The following NBAS variants were observed in gnomAD, a reference collection of about 807,000 sequenced individuals.
NBAS encodes the protein NBAS subunit of NRZ tethering complex, also known as NAG/BC035112 fusion.
In NBAS, 219 loss-of-function variants were observed where a neutral mutation model predicts 302.5. The ratio of observed to expected loss-of-function variants is 0.72; its 90% CI spans 0.65 to 0.81. The LOEUF (loss-of-function observed/expected upper bound fraction) is 0.81. NBAS is among the 30% of genes least tolerant of loss of function. The probability of loss-of-function intolerance (pLI) is 0.00; values close to 1 mark genes in which losing one functional copy is unlikely to be tolerated. For synonymous variants in NBAS, 1,118 were observed against 1,021.6 expected (o/e 1.09, Z -1.80); for missense variants, 2,932 against 2,841.6 (o/e 1.03, Z -0.72).
Position 15,556,821 on chromosome 2 carries a change from T to C in NBAS, c.173-2A>G, listed in dbSNP as rs138546465. ...ATTGGCGTAAAAATAATAAACGATC[T>C]GTAATCAAAAGAAATGGCAAAGCCA... is the stretch of plus-strand genomic sequence containing the variant. On this transcript the variant is annotated splice_acceptor_variant, in intron 2 of 51. Coordinates refer to ENST00000281513, the MANE Select transcript of NBAS (RefSeq NM_015909.4). LOFTEE classifies it high-confidence loss of function. The C allele has an allele frequency of 5.9e-5, 95 of 1,610,242 alleles. No homozygotes were observed. The highest frequency in any genetic ancestry group is 7.7e-5 in the Non-Finnish European group (91 of 1,176,910).
chr2:15,366,551 T>G (rs1172655533), intron 32 of NBAS, 29 bp downstream of exon 32: 13 of 1,562,134 alleles, frequency 8.3e-6, no homozygotes, highest in African/African-American at 1.4e-5. Flanking sequence ...AGAAAGCTTA[T>G]TCTGCAGTTT....
At chr2:14,926,586 G>A in the NBAS span, among the ~76,000 whole-genome samples, 1 of 152,072 alleles carries the variant, frequency 6.6e-6, no homozygotes, top group Non-Finnish European at 1.5e-5. Context: ...CATAAATTAT[G>A]CGTAACATAA....
intron 11 of NBAS, among the ~76,000 whole-genome samples, chr2:15,499,418 G>C (rs138708369): frequency 9.6e-4 from 146 of 152,334 alleles, no homozygotes; most frequent in African/African-American, 3.4e-3. Context: ...GGAATATTAT[G>C]CAGCCCTAAA....
At chr2:15,036,224 C>T in the NBAS span, among the ~76,000 whole-genome samples, 505 of 152,274 alleles carry the variant, frequency 3.3e-3, 6 homozygotes, top group African/African-American at 0.01. Flanking sequence ...GACCTTGAAT[C>T]TTATTCATGC....
At chr2:15,267,489 G>T (rs921717510) in intron 44 of NBAS, among the ~76,000 whole-genome samples, 2 of 152,098 alleles carry the variant, frequency 1.3e-5, no homozygotes, top group Non-Finnish European at 2.9e-5. Context: ...TTATAGATTA[G>T]CAACAACAAT....
At chr2:15,111,247 A>C in the NBAS span, among the ~76,000 whole-genome samples, 2 of 152,142 alleles carry the variant, frequency 1.3e-5, no homozygotes, top group Non-Finnish European at 2.9e-5. Flanking sequence ...GTGTCTTTTA[A>C]TCTCTCCAAA....
the NBAS span, among the ~76,000 whole-genome samples, chr2:14,925,717 A>G: frequency 6.6e-6 from 1 of 152,142 alleles, no homozygotes; most frequent in Non-Finnish European, 1.5e-5. Flanking sequence ...TCGGTGATTC[A>G]TTCTTGCTAC....
At chr2:15,017,470 C>A in the NBAS span, among the ~76,000 whole-genome samples, 1 of 150,944 alleles carries the variant, frequency 6.6e-6, no homozygotes, top group Non-Finnish European at 1.5e-5. Context: ...TCAACAACAA[C>A]AAAAAATTTC....
the NBAS span, among the ~76,000 whole-genome samples, chr2:15,139,989 AGGTT>A: frequency 2.0e-5 from 3 of 152,136 alleles, no homozygotes; most frequent in African/African-American, 7.2e-5. Flanking sequence ...AAATGTGGGT[AGGTT>A]GGTGACGTGG....
the NBAS span, among the ~76,000 whole-genome samples, chr2:14,849,026 C>T: frequency 2.6e-5 from 4 of 151,356 alleles, no homozygotes; most frequent in Non-Finnish European, 5.9e-5. Flanking sequence ...CGCCTCTCCT[C>T]TTCCAAAGGA....
the NBAS span, among the ~76,000 whole-genome samples, chr2:14,924,569 A>T: frequency 1.3e-5 from 2 of 152,254 alleles, no homozygotes; most frequent in African/African-American, 4.8e-5. Flanking sequence ...AGATACTCCC[A>T]TCAGTGTCCT....
the NBAS span, among the ~76,000 whole-genome samples, chr2:14,849,211 C>T: frequency 6.7e-6 from 1 of 149,198 alleles, no homozygotes; most frequent in African/African-American, 2.5e-5. Context: ...CTAGAATAAC[C>T]AATACAGAGA....
Position 15,527,531 on chromosome 2 carries a change from G to A in NBAS, c.746+7012C>T, listed in dbSNP as rs559956279. Among the ~76,000 whole-genome samples the A allele has an allele frequency of 1.3e-5, 2 of 152,304 alleles. 1 individual carries two copies. Among genetic ancestry groups the A allele is most frequent in the South Asian group, 4.2e-4 (2 of 4,818 alleles). On this transcript the variant is annotated intron_variant, in intron 9 of 51. Transcript: ENST00000281513. ...TGTTGCTGCATCTGCCAGAGGGGAG[G>A]AACACTGTGCCCTCACATGGCAGAA...
chr2:15,304,172 AGG>A (rs1280803084), intron 40 of NBAS, among the ~76,000 whole-genome samples: 1 of 152,186 alleles, frequency 6.6e-6, no homozygotes, highest in Non-Finnish European at 1.5e-5. Flanking sequence ...CTGAATCATG[AGG>A]GTGGTTTCCC....
intron 35 of NBAS, among the ~76,000 whole-genome samples, chr2:15,346,432 A>C (rs1424052643): frequency 6.6e-6 from 1 of 152,234 alleles, no homozygotes; most frequent in Non-Finnish European, 1.5e-5. Flanking sequence ...AGAGAAATGC[A>C]AATCAAAACC....
chr2:14,865,270 T>C, the NBAS span, among the ~76,000 whole-genome samples: 1 of 151,534 alleles, frequency 6.6e-6, no homozygotes, highest in Admixed American at 6.6e-5. Flanking sequence ...TAAACCTTTG[T>C]ATCAATACTC....
chr2:15,110,841 A>T, the NBAS span, among the ~76,000 whole-genome samples: 27 of 152,192 alleles, frequency 1.8e-4, no homozygotes, highest in Non-Finnish European at 3.4e-4. Flanking sequence ...TATGAGCATA[A>T]ATTCAGAGAT....
chr2:15,100,281 C>G, the NBAS span, among the ~76,000 whole-genome samples: 1 of 152,128 alleles, frequency 6.6e-6, no homozygotes, highest in Non-Finnish European at 1.5e-5. Flanking sequence ...AGTAACTGTT[C>G]TACAGGATCA....
At chr2:15,292,392 A>T (rs1197435457) in intron 41 of NBAS, 145 bp downstream of exon 41, 1 of 819,434 alleles carries the variant, frequency 1.2e-6, no homozygotes, top group African/African-American at 1.7e-5. Flanking sequence ...CATCCCACAT[A>T]AGACTAGATG....
Sources: allele counts gnomAD v4.1 joint callset (sites outside exome capture counted in the v4.1 genomes callset), GRCh38; gene constraint gnomAD v4.1.1; transcripts MANE v1.5; gene names NCBI Gene and HGNC (gene_info 2026-07-23, HGNC 2026-07-21).